The following IPO9 variants were observed in gnomAD, a reference collection of about 807,000 sequenced individuals.
IPO9 encodes the protein importin-9.
IPO9 carries 28 observed loss-of-function variants against 128.6 expected under a neutral mutation model. That is an observed-to-expected ratio of 0.22 (90% CI 0.16 to 0.30). IPO9 has a LOEUF of 0.30. IPO9 is among the 10% of genes least tolerant of loss of function. IPO9 has a pLI of 1.00. For missense variants in IPO9, 935 were observed against 1,293.9 expected (o/e 0.72, Z 4.26); for synonymous variants, 455 against 475.8 (o/e 0.96, Z 0.57).
At chr1:201,834,804 G>A (rs1411995795) in intron 1 of IPO9, 1 of 152,164 alleles carries the variant, frequency 6.6e-6, no homozygotes, top group Non-Finnish European at 1.5e-5. Context: ...AGGGGAGGGG[G>A]GAAATTATCT....
At chr1:201,854,768 CATTT>C (rs908630467) in intron 7 of IPO9, 51 bp from the exon 8 acceptor site, 32 of 1,607,344 alleles carry the variant, frequency 2.0e-5, no homozygotes, top group Middle Eastern at 1.7e-4. Context: ...GGTCTGAAAT[CATTT>C]ATTTCTTATA....
intron 1 of IPO9, among the ~76,000 whole-genome samples, chr1:201,842,947 T>G (rs982598692): frequency 2.6e-5 from 4 of 152,236 alleles, no homozygotes; most frequent in African/African-American, 9.6e-5. Context: ...GGTGTTAATG[T>G]GATATTGGAA....
intron 23 of IPO9, among the ~76,000 whole-genome samples, chr1:201,875,466 C>T (rs1031963165): frequency 6.6e-6 from 1 of 151,976 alleles, no homozygotes; most frequent in Non-Finnish European, 1.5e-5. Context: ...GGCACACCCC[C>T]GTGGTCCCAG....
rs1680299534 is a variant in IPO9, at chr1:201,854,834, C to T, written c.822C>T (p.Ala274=). 6.2e-7 allele frequency: 1 copy of T among 1,608,188 alleles called. No individual in the cohort carries two copies. Among genetic ancestry groups the T allele is most frequent in the Admixed American group, 1.7e-5 (1 of 58,518 alleles). The change falls in exon 8 of 24, where the codon GCC becomes GCT. Residue 274 remains alanine (A), a synonymous_variant. Coordinates refer to ENST00000361565, the MANE Select transcript of IPO9 (RefSeq NM_018085.5). ...TCTTAACTTCTTAGGCAGTGACAGC[C>T]CTAGTGAAAAACTTCCCAAAGCACA... ...FKMEVLKAVT[A]LVKNFPKHMV...
intron 15 of IPO9, among the ~76,000 whole-genome samples, chr1:201,867,400 A>G (rs899455096): frequency 6.6e-6 from 1 of 152,166 alleles, no homozygotes; most frequent in African/African-American, 2.4e-5. Flanking sequence ...AAAATTTGGA[A>G]ATTATAAAAA....
intron 10 of IPO9, 137 bp from the exon 11 acceptor site, chr1:201,856,959 T>C: frequency 1.5e-6 from 1 of 669,548 alleles, no homozygotes; most frequent in Non-Finnish European, 2.7e-6. Flanking sequence ...AGTGTCAGGA[T>C]TACAGTTGTG....
intron 14 of IPO9, among the ~76,000 whole-genome samples, chr1:201,865,851 T>G (rs2644106): frequency 0.97 from 148,181 of 152,138 alleles, 72,303 homozygotes; most frequent in East Asian, 1. Flanking sequence ...CAGCACTTTG[T>G]GGGGCCAAGG....
intron 13 of IPO9, among the ~76,000 whole-genome samples, chr1:201,862,806 C>CAAA (rs545253856): frequency 1.4e-5 from 1 of 69,868 alleles, no homozygotes; most frequent in Non-Finnish European, 3.1e-5. Flanking sequence ...AACTTCATCT[C>CAAA]AAAAAAAAAA....
Position 201,876,010 on chromosome 1 carries a change from C to G in IPO9, c.3082C>G (p.Leu1028Val). ...QPCYIMFSGHLNDNERRVLQT... is the reference protein window; with the variant it reads ...QPCYIMFSGHVNDNERRVLQT... ...CTGCTACATAATGTTTTCAGGCCAC[C>G]TTAATGACAATGAGAGGCGAGTTCT... Residue 1028 changes from leucine to valine, a missense_variant, in exon 24 of 24, where the codon CTT becomes GTT. Physicochemically the swap from Leu to Val is conservative, Grantham distance 32 (BLOSUM62 1). Coordinates refer to ENST00000361565, the MANE Select transcript of IPO9 (RefSeq NM_018085.5). 1 of 1,613,986 alleles carries G rather than the reference C, an allele frequency of 6.2e-7. No individual in the cohort carries two copies. Among genetic ancestry groups the G allele is most frequent in the Non-Finnish European group, 8.5e-7 (1 of 1,179,814 alleles).
chr1:201,836,775 CA>C (rs1679949127), intron 1 of IPO9, among the ~76,000 whole-genome samples: 1 of 152,090 alleles, frequency 6.6e-6, no homozygotes, highest in African/African-American at 2.4e-5. Flanking sequence ...TAACCTAATG[CA>C]AATAAGCTCT....
chr1:201,869,944 C>T (rs1197027952), intron 17 of IPO9, among the ~76,000 whole-genome samples: 1 of 152,184 alleles, frequency 6.6e-6, no homozygotes, highest in Non-Finnish European at 1.5e-5. Flanking sequence ...CCCTGCCCAT[C>T]TGTATTGGGT....
intron 13 of IPO9, among the ~76,000 whole-genome samples, chr1:201,861,447 A>G (rs1278769962): frequency 6.6e-6 from 1 of 152,212 alleles, no homozygotes; most frequent in Non-Finnish European, 1.5e-5. Flanking sequence ...CTTTATTATA[A>G]AATAGGCTTT....
chr1:201,859,685 C>A lies in IPO9; in HGVS notation c.1468+691C>A, dbSNP rs192234633. Among the ~76,000 whole-genome samples, 768 of 152,244 alleles carry A rather than the reference C, an allele frequency of 5.0e-3. 9 individuals are homozygous for A. The highest frequency in any genetic ancestry group is 0.022 in the South Asian group (108 of 4,830). On this transcript the variant is annotated intron_variant, in intron 13 of 23. Coordinates refer to ENST00000361565, the MANE Select transcript of IPO9 (RefSeq NM_018085.5). ...CTTAAAAAGAAAAAAGTAGGCCAGG[C>A]GCGATGGCTCATGCCTCTAATCCCA...
chr1:201,855,947 T>A lies in IPO9; in HGVS notation c.1122+13T>A, dbSNP rs1680321067. 1 of 1,562,180 alleles carries A rather than the reference T, an allele frequency of 6.4e-7. No homozygotes were observed. Among genetic ancestry groups the A allele is most frequent in the Admixed American group, 2.1e-5 (1 of 46,804 alleles). ...CACTGAGGAGCAGGTAAATAATATT[T>A]GAGAGACAGTTACCATCTTGTATTT... On this transcript the variant is annotated intron_variant, in intron 10 of 23. Coordinates refer to ENST00000361565, the MANE Select transcript of IPO9 (RefSeq NM_018085.5).
rs1033295441 is a variant in IPO9, at chr1:201,880,736, G to A, written c.*4682G>A. 1 of 152,152 alleles carries A rather than the reference G, an allele frequency of 6.6e-6. No individual in the cohort carries two copies. The highest frequency in any genetic ancestry group is 1.5e-5 in the Non-Finnish European group (1 of 68,028). The allele number at this position is 152,152 out of a possible 1,614,324, so 9.4% of individuals were successfully genotyped here. The stretch of plus-strand genomic sequence containing the variant: ...TAGTAGGGGGTCAGAAATACAGATG[G>A]GCCTGAACATAATGATGGTTTGACT... On this transcript the variant is annotated 3_prime_UTR_variant, in exon 24 of 24. Coordinates refer to ENST00000361565, the MANE Select transcript of IPO9 (RefSeq NM_018085.5).
intron 1 of IPO9, among the ~76,000 whole-genome samples, chr1:201,834,787 G>A (rs1425407844): frequency 6.6e-6 from 1 of 152,160 alleles, no homozygotes; most frequent in East Asian, 1.9e-4. Context: ...CCACCATTAT[G>A]TTGAACAGGG....
rs1157533499 is a variant in IPO9, at chr1:201,876,826, TC to T, written c.*775del. 6.5e-6 allele frequency: 1 copy of T among 152,672 alleles called. No homozygotes were observed. The highest frequency in any genetic ancestry group is 1.9e-4 in the East Asian group (1 of 5,190). 9.5% of individuals were successfully genotyped at this position (152,672 alleles called of 1,614,324 possible). On this transcript the variant is annotated 3_prime_UTR_variant, in exon 24 of 24. Coordinates refer to ENST00000361565, the MANE Select transcript of IPO9 (RefSeq NM_018085.5). ...GACCCAACTATATTTAATATGCCTC[TC>T]CCACACATTACCACAGAGTCTGATA...
intron 6 of IPO9, among the ~76,000 whole-genome samples, chr1:201,853,339 T>C (rs1680258842): frequency 6.6e-6 from 1 of 151,722 alleles, no homozygotes; most frequent in Admixed American, 6.6e-5. Context: ...GCTTAAGTGA[T>C]CCCCTGACCC....
chr1:201,854,463 C>A, intron 6 of IPO9, 132 bp from the exon 7 acceptor site: 2 of 1,088,048 alleles, frequency 1.8e-6, no homozygotes, highest in Non-Finnish European at 2.6e-6. Context: ...GACTTTATAG[C>A]TATTCTCTTC....
Sources: allele counts gnomAD v4.1 joint callset (sites outside exome capture counted in the v4.1 genomes callset), GRCh38; gene constraint gnomAD v4.1.1; transcripts MANE v1.5; gene names NCBI Gene and HGNC (gene_info 2026-07-23, HGNC 2026-07-21).